The following MOK variants were observed in gnomAD, a reference collection of about 807,000 sequenced individuals.
The protein encoded by MOK is MOK protein kinase.
A neutral mutation model predicts 54.2 loss-of-function variants in MOK; 59 were observed. The ratio of observed to expected loss-of-function variants is 1.09; its 90% CI spans 0.88 to 1.35. MOK has a LOEUF of 1.35. MOK is among the 40% of genes most tolerant of loss of function. MOK has a pLI of 0.00. For synonymous variants in MOK, 210 were observed against 202.7 expected (o/e 1.04, Z -0.31); for missense variants, 517 against 526.2 (o/e 0.98, Z 0.17).
downstream of MOK, chr14:102,225,108 T>A (rs2064191259): frequency 3.6e-6 from 1 of 278,204 alleles, no homozygotes; most frequent in Non-Finnish European, 7.0e-6. Flanking sequence ...TCATCCAGGC[T>A]GGAATGAAGT....
intron 7 of MOK, among the ~76,000 whole-genome samples, chr14:102,241,636 T>C (rs1339188563): frequency 2.0e-5 from 3 of 152,190 alleles, no homozygotes; most frequent in Non-Finnish European, 2.9e-5. Flanking sequence ...AGGCATTTTA[T>C]TACCCAATCT....
chr14:102,260,964 T>C (rs979031133), intron 4 of MOK, among the ~76,000 whole-genome samples: 3 of 150,002 alleles, frequency 2.0e-5, no homozygotes, highest in African/African-American at 7.4e-5. Flanking sequence ...CTACTAAAAA[T>C]ACAAAACAAT....
intron 1 of MOK, among the ~76,000 whole-genome samples, chr14:102,298,884 T>C (rs1030580872): frequency 6.6e-6 from 1 of 152,046 alleles, no homozygotes; most frequent in African/African-American, 2.4e-5. Context: ...CCAGGAGGAA[T>C]GAACAAGTCC....
rs1162684979 is a variant in MOK at position 102,261,531 on chromosome 14, AT to A, written c.283+2014del. On this transcript the variant is annotated intron_variant, in intron 4 of 11. Transcript: ENST00000361847. Reference sequence around the variant, plus strand: ...AAATTCTCCCTTCTTGTTGACTTTTATTTTTTTTTTATTTTCTGTTGAGATG... The same window carrying A: ...AAATTCTCCCTTCTTGTTGACTTTTATTTTTTTTTATTTTCTGTTGAGATG... 1.1e-3 allele frequency among the ~76,000 whole-genome samples: 132 copies of A among 118,536 alleles called. 1 individual carries two copies. Among genetic ancestry groups the A allele is most frequent in the Non-Finnish European group, 1.7e-3 (100 of 58,546 alleles). 77.8% of individuals were successfully genotyped at this position (118,536 alleles called of 152,430 possible).
chr14:102,251,055 T>C lies in MOK; in HGVS notation c.412-65A>G, dbSNP rs1288680758. The C allele has an allele frequency of 3.3e-6, 5 of 1,520,794 alleles. No homozygotes were observed. In the African/African-American group the frequency reaches 5.5e-5, roughly 17 times the overall value. The allele number at this position is 1,520,794 out of a possible 1,614,324, so 94.2% of individuals were successfully genotyped here. A position where few individuals can be genotyped will look rare whatever the true frequency, so the allele number is the denominator to read the frequency against. ...ATGTGGCTATCATAATACAAACCAC[T>C]CCAAATATTTATGCACCAGCAGGAA... On this transcript the variant is annotated intron_variant, in intron 6 of 11. Coordinates refer to ENST00000361847, the MANE Select transcript of MOK (RefSeq NM_014226.3).
Position 102,229,532 on chromosome 14 carries a change from C to T in MOK, c.1107G>A (p.Gln369=). ...RLSSYSSPTL[Q]SVLGSGTNGR... ...CATTTGTTCCAGATCCAAGCACGGA[C>T]TGCAGCGTGGGGCTGGAGTAAGACG... The change falls in exon 11 of 12, where the codon CAG becomes CAA. Residue 369 remains glutamine, a synonymous_variant. Coordinates refer to ENST00000361847, the MANE Select transcript of MOK (RefSeq NM_014226.3). The T allele has an allele frequency of 1.2e-6, 2 of 1,614,206 alleles. No homozygotes were observed. The highest frequency in any genetic ancestry group is 1.7e-6 in the Non-Finnish European group (2 of 1,180,040).
downstream of MOK, among the ~76,000 whole-genome samples, chr14:102,220,432 TA>T (rs1476029646): frequency 2.6e-5 from 4 of 152,230 alleles, no homozygotes; most frequent in African/African-American, 4.8e-5. This position sits in a 1 kb window ranked among gnomAD's most constrained non-coding sequence, Gnocchi z 4.2. Flanking sequence ...TCAGTTAAAA[TA>T]TTAAAATTGG....
rs8003089 is a variant in MOK at position 102,273,671 on chromosome 14, T to A, written c.123-7759A>T. On this transcript the variant is annotated intron_variant, in intron 2 of 11. Coordinates refer to ENST00000361847, the MANE Select transcript of MOK (RefSeq NM_014226.3). ...ACACGTGCCTGTAATCCCAGCTACT[T>A]GGCAGGCTGAGGCAGGAGAATCTCT... 4.6e-3 allele frequency among the ~76,000 whole-genome samples: 704 copies of A among 151,918 alleles called. 6 individuals carry two copies. Among genetic ancestry groups the A allele is most frequent in the African/African-American group, 0.016 (653 of 41,388 alleles).
At chr14:102,221,550 T>C (rs2063901809), downstream of MOK, among the ~76,000 whole-genome samples, 1 of 152,168 alleles carries the variant, frequency 6.6e-6, no homozygotes, top group African/African-American at 2.4e-5. The surrounding 1 kb of genome is among the most constrained non-coding windows in gnomAD (Gnocchi z 4.8). Context: ...GTTCTGTCCC[T>C]TTTCAGGGGT....
downstream of MOK, among the ~76,000 whole-genome samples, chr14:102,222,024 G>A (rs2153070949): frequency 6.6e-6 from 1 of 152,302 alleles, no homozygotes; most frequent in East Asian, 1.9e-4. This position sits in a 1 kb window ranked among gnomAD's most constrained non-coding sequence, Gnocchi z 4.4. Flanking sequence ...CTGTGTAGGA[G>A]GTTAAACCCT....
At chr14:102,226,420 A>C, downstream of MOK, 1 of 702,966 alleles carries the variant, frequency 1.4e-6, no homozygotes, top group Non-Finnish European at 2.6e-6. This position sits in a 1 kb window ranked among gnomAD's most constrained non-coding sequence, Gnocchi z 4.8. Context: ...TGTGGGGATA[A>C]TTCAAGCGCT....
At chr14:102,224,381 G>A (rs1363555742), downstream of MOK, 1 of 354,732 alleles carries the variant, frequency 2.8e-6, no homozygotes, top group African/African-American at 2.1e-5. Context: ...CAGCTCGTGA[G>A]CATCTGAGTT....
downstream of MOK, chr14:102,224,454 C>A: frequency 2.5e-6 from 1 of 397,060 alleles, no homozygotes; most frequent in South Asian, 1.9e-5. Flanking sequence ...AGCTACCAAG[C>A]AGAAGAATGT....
rs1194261242 is a variant in MOK, at chr14:102,249,460, AG to A, written c.590+1351del. 6.6e-6 allele frequency among the ~76,000 whole-genome samples: 1 copy of A among 152,236 alleles called. No individual in the cohort carries two copies. Among genetic ancestry groups the A allele is most frequent in the African/African-American group, 2.4e-5 (1 of 41,466 alleles). ...CGCGGTGGCTCATGCCTGTAATCCC[AG>A]CACTTTGGGAGGCTGAGGCAGGCGG... On this transcript the variant is annotated intron_variant, in intron 7 of 11. Transcript: ENST00000361847. The surrounding 1 kb of genome is among the most constrained non-coding windows in gnomAD (Gnocchi z 5.3).
downstream of MOK, among the ~76,000 whole-genome samples, chr14:102,221,117 G>A (rs1484291134): frequency 6.6e-6 from 1 of 152,220 alleles, no homozygotes; most frequent in Non-Finnish European, 1.5e-5. The surrounding 1 kb of genome is among the most constrained non-coding windows in gnomAD (Gnocchi z 4.8). Context: ...CCACCTTCCT[G>A]TGGGTGGGGC....
Position 102,245,074 on chromosome 14 carries a change from T to C in MOK, c.590+5738A>G, listed in dbSNP as rs1311511953. 6.6e-6 allele frequency among the ~76,000 whole-genome samples: 1 copy of C among 152,162 alleles called. No individual in the cohort carries two copies. The highest frequency in any genetic ancestry group is 1.5e-5 in the Non-Finnish European group (1 of 68,042). ...TGGGTCCTCCCAATTCTTAGTCCTT[T>C]AATACCTGTTTTTCTCCTTCTCTTA... is the stretch of plus-strand genomic sequence containing the variant. On this transcript the variant is annotated intron_variant, in intron 7 of 11. Transcript: ENST00000361847. The surrounding 1 kb of genome is among the most constrained non-coding windows in gnomAD (Gnocchi z 4.3).
chr14:102,258,872 C>T (rs1165743061), intron 4 of MOK, among the ~76,000 whole-genome samples: 2 of 152,122 alleles, frequency 1.3e-5, no homozygotes, highest in Non-Finnish European at 2.9e-5. Flanking sequence ...TTGAGACAGC[C>T]TGGCCAACAT....
chr14:102,276,259 C>T (rs555340359), intron 2 of MOK, among the ~76,000 whole-genome samples: 24 of 150,842 alleles, frequency 1.6e-4, no homozygotes, highest in Non-Finnish European at 3.2e-4. Context: ...CTGAAGTGGG[C>T]GGATCACAAG....
At chr14:102,298,423 G>C (rs1208023403) in intron 1 of MOK, among the ~76,000 whole-genome samples, 4 of 151,968 alleles carry the variant, frequency 2.6e-5, no homozygotes, top group African/African-American at 9.7e-5. Flanking sequence ...TCAGCACTCT[G>C]TATCTAGCTC....
Sources: allele counts gnomAD v4.1 joint callset (sites outside exome capture counted in the v4.1 genomes callset), GRCh38; gene constraint gnomAD v4.1.1; non-coding constraint Gnocchi (gnomAD v3.1); transcripts MANE v1.5; gene names NCBI Gene and HGNC (gene_info 2026-07-23, HGNC 2026-07-21).